EXOC6: variants seen among roughly 807,000 people sequenced by gnomAD.
The protein encoded by EXOC6 is SEC15-like 1.
In EXOC6, 60 loss-of-function variants were observed where a neutral mutation model predicts 112.5. The observed-to-expected ratio is 0.53, with a 90% CI of 0.43 to 0.66. EXOC6 has a LOEUF of 0.66. EXOC6 is among the 30% of genes least tolerant of loss of function. The pLI is 0.00. For missense variants in EXOC6, 855 were observed against 957.1 expected, an observed-to-expected ratio of 0.89 and a Z score of 1.41; for synonymous variants, 295 against 308.0, an observed-to-expected ratio of 0.96 and a Z score of 0.44.
intron 1 of EXOC6, among the ~76,000 whole-genome samples, chr10:92,860,105 A>AC (rs1847834812): frequency 6.6e-6 from 1 of 151,798 alleles, no homozygotes; most frequent in Non-Finnish European, 1.5e-5. Flanking sequence ...GTGGATTAAA[A>AC]CCCCTAATCT....
intron 13 of EXOC6, among the ~76,000 whole-genome samples, chr10:92,945,466 T>C (rs1852940219): frequency 1.3e-5 from 2 of 152,208 alleles, no homozygotes; most frequent in Admixed American, 1.3e-4. Flanking sequence ...CATGGAGCTA[T>C]TTATATTCTT....
At chr10:92,993,255 TTTAC>T (rs1483079219) in intron 18 of EXOC6, among the ~76,000 whole-genome samples, 1 of 152,128 alleles carries the variant, frequency 6.6e-6, no homozygotes, top group Non-Finnish European at 1.5e-5. Context: ...TGTATTTCTT[TTTAC>T]TTAAGTAAAA....
chr10:93,017,870 C>T (rs920080582), intron 20 of EXOC6, among the ~76,000 whole-genome samples: 4 of 151,766 alleles, frequency 2.6e-5, no homozygotes, highest in African/African-American at 9.7e-5. Context: ...ATTAGCTGGG[C>T]GTGGTGGTGC....
intron 17 of EXOC6, among the ~76,000 whole-genome samples, chr10:92,956,411 T>A (rs907621475): frequency 1.3e-5 from 2 of 152,146 alleles, no homozygotes; most frequent in African/African-American, 4.8e-5. Flanking sequence ...TCTAAAAGTT[T>A]CCTATTAAAA....
intron 18 of EXOC6, among the ~76,000 whole-genome samples, chr10:92,978,080 C>G (rs139695255): frequency 6.6e-6 from 1 of 152,008 alleles, no homozygotes; most frequent in Admixed American, 6.6e-5. Context: ...CAAGGTACAA[C>G]CATATAAAAA....
At chr10:93,018,001 ACT>A (rs1466532719) in intron 20 of EXOC6, among the ~76,000 whole-genome samples, 1 of 148,770 alleles carries the variant, frequency 6.7e-6, no homozygotes, top group African/African-American at 2.5e-5. Context: ...CAAGAGTGAA[ACT>A]CTGTCTCAAA....
chr10:92,901,967 T>G (rs1395970827), intron 5 of EXOC6: 1 of 151,928 alleles, frequency 6.6e-6, no homozygotes, highest in Non-Finnish European at 1.5e-5. Context: ...GAGCTGAGAT[T>G]GAGCCACTGC....
rs1235443177 is a variant in EXOC6, at chr10:92,944,885, G to GC, written c.1311-3387dup. On this transcript the variant is annotated intron_variant, in intron 13 of 21. Coordinates refer to ENST00000260762, the MANE Select transcript of EXOC6 (RefSeq NM_019053.6). ...CCTCCCAGGTTCAAGTGATTCTCCT[G>GC]CCTCAGCCTTCCGAGTAGCTGGGAT... Among the ~76,000 whole-genome samples, 3 of 151,564 alleles carry GC rather than the reference G, an allele frequency of 2.0e-5. No homozygotes were observed. In the East Asian group the frequency reaches 5.9e-4, roughly 30 times the overall value.
At chr10:93,006,527 G>A (rs1022201365) in intron 19 of EXOC6, among the ~76,000 whole-genome samples, 11 of 152,126 alleles carry the variant, frequency 7.2e-5, no homozygotes, top group Admixed American at 6.5e-4. Flanking sequence ...GTTGGTCCTC[G>A]AGGTTTGCAT....
intron 18 of EXOC6, among the ~76,000 whole-genome samples, chr10:92,977,007 CA>C (rs1202962135): frequency 6.6e-6 from 1 of 151,974 alleles, no homozygotes; most frequent in African/African-American, 2.4e-5. Flanking sequence ...TAGTTTTATA[CA>C]AAAAAATAGG....
At chr10:93,048,436 C>T (rs560063418) in intron 20 of EXOC6, among the ~76,000 whole-genome samples, 7 of 151,680 alleles carry the variant, frequency 4.6e-5, no homozygotes, top group African/African-American at 1.2e-4. Context: ...CAGTGGCTCA[C>T]GCCTGTAATC....
chr10:93,022,907 T>C (rs1844849679), intron 20 of EXOC6, among the ~76,000 whole-genome samples: 1 of 152,080 alleles, frequency 6.6e-6, no homozygotes, highest in South Asian at 2.1e-4. Context: ...TTAACACTTT[T>C]ATATGAAGTA....
chr10:92,949,312 A>G (rs1490120673), intron 14 of EXOC6, among the ~76,000 whole-genome samples: 1 of 152,072 alleles, frequency 6.6e-6, no homozygotes, highest in Non-Finnish European at 1.5e-5. Context: ...CTAAATACAG[A>G]ACCAGGTAAT....
intron 14 of EXOC6, among the ~76,000 whole-genome samples, chr10:92,952,029 A>ATGTGTT (rs1301726780): frequency 6.6e-6 from 1 of 152,208 alleles, no homozygotes; most frequent in African/African-American, 2.4e-5. Context: ...CACCAGAGGT[A>ATGTGTT]TTGGTATGTG....
At chr10:92,869,560 T>C (rs1024111031) in intron 1 of EXOC6, among the ~76,000 whole-genome samples, 3 of 152,182 alleles carry the variant, frequency 2.0e-5, no homozygotes, top group Non-Finnish European at 4.4e-5. Flanking sequence ...TCCTCCTTAC[T>C]TGGCCTCCTA....
At chr10:92,899,228 A>G (rs559613239) in intron 4 of EXOC6, among the ~76,000 whole-genome samples, 1 of 152,290 alleles carries the variant, frequency 6.6e-6, no homozygotes, top group African/African-American at 2.4e-5. Context: ...TTCTCTCTCA[A>G]ATAACTAAAG....
In EXOC6 at chr10:92,934,206, G is replaced by A. The variant is rs768460981; in HGVS notation, c.1019+16G>A. 2 of 1,525,346 alleles carry A rather than the reference G, an allele frequency of 1.3e-6. No individual in the cohort carries two copies. The highest frequency in any genetic ancestry group is 3.8e-5 in the Admixed American group (2 of 52,336). 94.5% of individuals were successfully genotyped at this position (1,525,346 alleles called of 1,614,324 possible). On this transcript the variant is annotated intron_variant, in intron 10 of 21. Coordinates refer to ENST00000260762, the MANE Select transcript of EXOC6 (RefSeq NM_019053.6). The stretch of plus-strand genomic sequence containing the variant: ...AAATTGTAGGGTATGTATCTAATAT[G>A]GAAATAACTATTATTAATTTTATAT...
upstream of EXOC6, chr10:92,848,432 C>CGG: frequency 1.3e-5 from 11 of 864,748 alleles, no homozygotes; most frequent in Non-Finnish European, 9.8e-6. Flanking sequence ...CCGGCCCGAG[C>CGG]GCCCCGCCCC....
At position 93,058,121 on chromosome 10, in the gene EXOC6, G is replaced by A. The variant is rs1590129655; in HGVS notation, c.2283-102G>A. ...TTTGAACTATATTTTTCAAGCATAG[G>A]ATTAGTGTGGGATAATTCAGAGCAT... On this transcript the variant is annotated intron_variant, in intron 21 of 21. Transcript: ENST00000260762. The A allele has an allele frequency of 3.2e-5, 32 of 1,012,750 alleles. No homozygotes were observed. In the East Asian group the frequency reaches 8.2e-4, roughly 26 times the overall value. 62.7% of individuals were successfully genotyped at this position (1,012,750 alleles called of 1,614,324 possible). A position where few individuals can be genotyped will look rare whatever the true frequency, so the allele number is the denominator to read the frequency against.
Sources: gnomAD v4.1 joint callset for allele counts (sites outside exome capture counted in the v4.1 genomes callset) on GRCh38, gnomAD v4.1.1 for gene constraint, MANE v1.5 for transcripts, NCBI Gene and HGNC (gene_info 2026-07-23, HGNC 2026-07-21) for gene names.